Variants in ACYP2 observed in about 807,000 individuals in gnomAD.
ACYP2 encodes acylphosphatase-2.
Under a neutral mutation model 11.2 loss-of-function variants are expected in ACYP2, and 12 were observed. The ratio of observed to expected loss-of-function variants is 1.08; its 90% CI spans 0.69 to 1.74. The LOEUF is 1.74. Ranked by LOEUF, ACYP2 falls within the 40% of genes most tolerant of loss-of-function variation. ACYP2 has a pLI of 0.00. For missense variants in ACYP2, 134 were observed against 101.9 expected, an observed-to-expected ratio of 1.31 and a Z score of -1.35; for synonymous variants, 43 against 32.2, an observed-to-expected ratio of 1.33 and a Z score of -1.13.
intron 2 of ACYP2, among the ~76,000 whole-genome samples, chr2:54,013,742 A>AG (rs1553354192): frequency 8.5e-5 from 8 of 94,478 alleles, no homozygotes; most frequent in Admixed American, 2.1e-4. Context: ...AAAAAAAAAA[A>AG]AGAGAGAGAG....
intron 6 of ACYP2, among the ~76,000 whole-genome samples, chr2:54,206,779 C>G (rs1016255834): frequency 6.6e-5 from 10 of 152,154 alleles, no homozygotes; most frequent in Non-Finnish European, 1.2e-4. Flanking sequence ...GTTTTAAACT[C>G]TCAATATGTG....
chr2:54,015,867 T>C (rs1392367313), intron 2 of ACYP2, among the ~76,000 whole-genome samples: 1 of 152,086 alleles, frequency 6.6e-6, no homozygotes. Flanking sequence ...TTTTGTTATG[T>C]TGACCAGGCT....
chr2:54,196,964 A>T (rs950563622), intron 6 of ACYP2, among the ~76,000 whole-genome samples: 5 of 152,348 alleles, frequency 3.3e-5, no homozygotes, highest in Admixed American at 1.3e-4. Context: ...AGAACTGTCC[A>T]CGTGTCACCT....
At chr2:54,201,600 CTTT>C (rs1684778271) in intron 6 of ACYP2, among the ~76,000 whole-genome samples, 2 of 88,510 alleles carry the variant, frequency 2.3e-5, no homozygotes, top group African/African-American at 4.3e-5. Context: ...CTTTCTCTTT[CTTT>C]CTTTCTTTCT....
chr2:54,111,216 G>T (rs1679443239), intron 4 of ACYP2, among the ~76,000 whole-genome samples: 1 of 152,168 alleles, frequency 6.6e-6, no homozygotes, highest in Admixed American at 6.5e-5. Context: ...AATTCCAAGT[G>T]GGGTGAAGCT....
intron 6 of ACYP2, among the ~76,000 whole-genome samples, chr2:54,259,996 C>T (rs898210704): frequency 6.6e-6 from 1 of 152,080 alleles, no homozygotes; most frequent in Non-Finnish European, 1.5e-5. Flanking sequence ...GTGAATGATC[C>T]AGTAGGGAGC....
rs114307657 is a variant in ACYP2 at position 53,973,242 on chromosome 2, G to A, written c.-36-471G>A. Among the ~76,000 whole-genome samples, 1,374 of 152,196 alleles carry A rather than the reference G, an allele frequency of 9.0e-3. 25 individuals carry two copies. The highest frequency in any genetic ancestry group is 0.031 in the African/African-American group (1,306 of 41,502). ...GAGTGTAGAATAGAAATCTGATTAT[G>A]GTGACAAAGGACAAATGGGAAGTGA... is the stretch of plus-strand genomic sequence containing the variant. On this transcript the variant is annotated intron_variant, in intron 1 of 6. Transcript: ENST00000607452.
At chr2:54,022,043 C>G (rs186422358) in intron 2 of ACYP2, among the ~76,000 whole-genome samples, 41 of 152,234 alleles carry the variant, frequency 2.7e-4, no homozygotes, top group African/African-American at 9.6e-4. Context: ...CTTGCTTTCC[C>G]CCACAACTTC....
At chr2:54,108,084 A>G (rs1184548961) in intron 4 of ACYP2, among the ~76,000 whole-genome samples, 1 of 152,212 alleles carries the variant, frequency 6.6e-6, no homozygotes, top group Admixed American at 6.5e-5. Flanking sequence ...CCCACAAGCC[A>G]GTGAACAGTC....
chr2:54,096,216 G>T (rs533795058), intron 4 of ACYP2, among the ~76,000 whole-genome samples: 54 of 146,646 alleles, frequency 3.7e-4, no homozygotes, highest in African/African-American at 1.3e-3. Context: ...GGGCAGAGAC[G>T]CTCCTCACCT....
intron 6 of ACYP2, among the ~76,000 whole-genome samples, chr2:54,282,798 T>C (rs555140485): frequency 6.6e-6 from 1 of 152,260 alleles, no homozygotes; most frequent in African/African-American, 2.4e-5. Context: ...CTGATTATCC[T>C]CTGTATGGAC....
chr2:54,042,844 A>G (rs1274416171), intron 2 of ACYP2, among the ~76,000 whole-genome samples: 4 of 152,238 alleles, frequency 2.6e-5, no homozygotes, highest in Admixed American at 2.6e-4. Flanking sequence ...GAGATCAGAG[A>G]GAGAACCAAG....
intron 2 of ACYP2, among the ~76,000 whole-genome samples, chr2:53,978,164 A>G (rs890334106): frequency 7.2e-5 from 11 of 151,768 alleles, no homozygotes; most frequent in Non-Finnish European, 1.5e-4. Flanking sequence ...TTGGAGGCTG[A>G]GACAGGAGAA....
At chr2:54,082,319 C>T (rs1212271307) in intron 4 of ACYP2, among the ~76,000 whole-genome samples, 2 of 150,744 alleles carry the variant, frequency 1.3e-5, no homozygotes, top group South Asian at 2.1e-4. Flanking sequence ...GGTCTCGGCT[C>T]ACTGCAACCT....
chr2:54,198,690 TAA>T (rs57230809), intron 6 of ACYP2, among the ~76,000 whole-genome samples: 3,746 of 152,274 alleles, frequency 0.025, 146 homozygotes, highest in African/African-American at 0.086. Context: ...AATGCAAATA[TAA>T]GACATTTTTA....
chr2:54,125,975 G>A (rs1680469784), intron 4 of ACYP2, among the ~76,000 whole-genome samples: 1 of 152,054 alleles, frequency 6.6e-6, no homozygotes, highest in African/African-American at 2.4e-5. Flanking sequence ...CAGCTACTCG[G>A]GAGGTTGAGG....
At chr2:54,058,945 G>C (rs1676316316) in intron 4 of ACYP2, among the ~76,000 whole-genome samples, 1 of 152,086 alleles carries the variant, frequency 6.6e-6, no homozygotes, top group Non-Finnish European at 1.5e-5. Context: ...CTGGAGGTGG[G>C]TTATCTCATG....
chr2:54,200,255 A>G (rs1684698761), intron 6 of ACYP2, among the ~76,000 whole-genome samples: 1 of 152,160 alleles, frequency 6.6e-6, no homozygotes, highest in African/African-American at 2.4e-5. Context: ...GTGTGGGTGT[A>G]TGTGTTTATA....
At chr2:54,072,466 CTTTT>C (rs951477114) in intron 4 of ACYP2, among the ~76,000 whole-genome samples, 2 of 127,060 alleles carry the variant, frequency 1.6e-5, no homozygotes, top group African/African-American at 2.8e-5. Context: ...TTCTTTCTTT[CTTTT>C]TCTTTCTTTC....
Sources: gnomAD v4.1 joint callset for allele counts (sites outside exome capture counted in the v4.1 genomes callset) on GRCh38, gnomAD v4.1.1 for gene constraint, MANE v1.5 for transcripts, NCBI Gene and HGNC (gene_info 2026-07-23, HGNC 2026-07-21) for gene names.